The following ACTN3 variants were observed in gnomAD, a reference collection of about 807,000 sequenced individuals.
ACTN3 encodes alpha-actinin-3.
ACTN3 carries 91 observed loss-of-function variants against 119.6 expected under a neutral mutation model. The ratio of observed to expected loss-of-function variants is 0.76; its 90% CI spans 0.64 to 0.91. The LOEUF is 0.91. Among genes scored for constraint, ACTN3 ranks in the 40% least tolerant of loss-of-function variants. The probability of loss-of-function intolerance (pLI) is 0.00; values close to 1 mark genes in which losing one functional copy is unlikely to be tolerated. For synonymous variants in ACTN3, 456 were observed against 478.8 expected (o/e 0.95, Z 0.62); for missense variants, 1,221 against 1,215.1 (o/e 1.00, Z -0.07).
chr11:66,554,025 C>T lies in ACTN3; in HGVS notation c.383-20C>T. ...ACCTTGAATGCCAGGCAAATCTGTC[C>T]CCTGACCCCTGCCCTGCAGAGATTG... is the stretch of plus-strand genomic sequence containing the variant. On this transcript the variant is annotated intron_variant, in intron 3 of 20. Coordinates refer to ENST00000513398, the MANE Select transcript of ACTN3 (RefSeq NM_001104.4). 1 of 1,610,772 alleles carries T rather than the reference C, an allele frequency of 6.2e-7. No homozygotes were observed. Among genetic ancestry groups the T allele is most frequent in the Non-Finnish European group, 8.5e-7 (1 of 1,177,330 alleles).
intron 7 of ACTN3, among the ~76,000 whole-genome samples, chr11:66,555,573 C>T (rs1303505994): frequency 6.6e-6 from 1 of 152,120 alleles, no homozygotes; most frequent in Non-Finnish European, 1.5e-5. Flanking sequence ...TGCCACCTCT[C>T]CCCTATGTAA....
rs145104915 is a variant in ACTN3 at position 66,558,777 on chromosome 11, G to A, written c.1277-459G>A. Reference sequence around the variant, plus strand: ...GCATTTTATTTTATATGTGTCAGGTGTTCAAAGGTGAGTCCATTCCTCACC... The same window carrying A: ...GCATTTTATTTTATATGTGTCAGGTATTCAAAGGTGAGTCCATTCCTCACC... On this transcript the variant is annotated intron_variant, in intron 11 of 20. Coordinates refer to ENST00000513398, the MANE Select transcript of ACTN3 (RefSeq NM_001104.4). 1,075 of 162,534 alleles carry A rather than the reference G, an allele frequency of 6.6e-3. 8 individuals carry two copies. The highest frequency in any genetic ancestry group is 0.01 in the Non-Finnish European group (777 of 75,440). 10.1% of individuals were successfully genotyped at this position (162,534 alleles called of 1,614,324 possible). A position where few individuals can be genotyped will look rare whatever the true frequency, so the allele number is the denominator to read the frequency against.
In ACTN3 at chr11:66,559,402, CG is replaced by C; in HGVS notation, c.1427+20del. ...AGGAGCTCAAGTAGGCGGGGCCTCG[CG>C]GGGCCCGCCCCCAACACCCCCGGCC... On this transcript the variant is annotated intron_variant, in intron 12 of 20. Transcript: ENST00000513398. 2.0e-6 allele frequency: 3 copies of C among 1,477,430 alleles called. No homozygotes were observed. The highest frequency in any genetic ancestry group is 1.8e-6 in the Non-Finnish European group (2 of 1,121,160). 91.5% of individuals were successfully genotyped at this position (1,477,430 alleles called of 1,614,324 possible). A position where few individuals can be genotyped will look rare whatever the true frequency, so the allele number is the denominator to read the frequency against.
At chr11:66,552,853 C>CTA in intron 3 of ACTN3, among the ~76,000 whole-genome samples, 1 of 105,258 alleles carries the variant, frequency 9.5e-6, no homozygotes, top group South Asian at 2.6e-4. Context: ...GAGACTCTGT[C>CTA]TCTCTCTCTC....
upstream of ACTN3, chr11:66,546,704 G>A: frequency 6.5e-7 from 1 of 1,535,176 alleles, no homozygotes; most frequent in Non-Finnish European, 8.7e-7. Flanking sequence ...GAGCAGGAAT[G>A]CAAACCCAGG....
At chr11:66,553,833 G>A (rs2511217) in intron 3 of ACTN3, among the ~76,000 whole-genome samples, 68,211 of 142,374 alleles carry the variant, frequency 0.48, 17,006 homozygotes, top group African/African-American at 0.63. Context: ...CAGCCTGGGT[G>A]ACAGAGCGAG....
rs753928982 is a variant in ACTN3, at chr11:66,563,101, C to T, written c.2614C>T (p.Arg872Cys). The T allele has an allele frequency of 5.1e-5, 82 of 1,613,310 alleles. No homozygotes were observed. The South Asian group carries it at 7.7e-4, about 15-fold the overall frequency. The change falls in exon 21 of 21, where the codon CGT (arginine) becomes TGT (cysteine). Residue 872 changes from arginine to cysteine, a missense_variant. This residue lies in a region of ACTN3 where 934 missense variants were observed against 899.9 expected (regional missense o/e 1.04). Coordinates refer to ENST00000513398, the MANE Select transcript of ACTN3 (RefSeq NM_001104.4). ...PAKQAEYCIR[R>C]MVPYKGSGAP... ...CAAGCAGGCCGAGTACTGCATCCGC[C>T]GTATGGTGCCCTACAAGGGATCCGG...
At chr11:66,548,428 GT>G (rs1397440679) in intron 1 of ACTN3, among the ~76,000 whole-genome samples, 6 of 152,024 alleles carry the variant, frequency 3.9e-5, no homozygotes, top group African/African-American at 1.5e-4. Context: ...GTGCCAGTCT[GT>G]AACTTGCCTT....
Position 66,553,866 on chromosome 11 carries a change from A to G in ACTN3, c.383-179A>G, listed in dbSNP as rs138694339. Among the ~76,000 whole-genome samples the G allele has an allele frequency of 8.0e-3, 1,211 of 151,238 alleles. 19 individuals are homozygous for G. Among genetic ancestry groups the G allele is most frequent in the African/African-American group, 0.027 (1,096 of 41,116 alleles). On this transcript the variant is annotated intron_variant, in intron 3 of 20. Coordinates refer to ENST00000513398, the MANE Select transcript of ACTN3 (RefSeq NM_001104.4). ...GAGACTCCATCTCAAAAAAAAAAAA[A>G]AAAAAGAAAAAGAAAAAGAGATGCT...
At chr11:66,557,329 T>A in intron 9 of ACTN3, 104 bp downstream of exon 9, 1 of 1,129,874 alleles carries the variant, frequency 8.9e-7, no homozygotes, top group Non-Finnish European at 1.3e-6. Context: ...CTGCTCAGAG[T>A]AGCCCTGGCT....
chr11:66,554,604 G>C lies in ACTN3; in HGVS notation c.538G>C (p.Val180Leu). 2 of 1,612,088 alleles carry C rather than the reference G, an allele frequency of 1.2e-6. No homozygotes were observed. Among genetic ancestry groups the C allele is most frequent in the Middle Eastern group, 1.7e-4 (1 of 6,058 alleles). Residue 180 changes from valine (V) to leucine (L), a missense_variant, in exon 5 of 21, where the codon GTG becomes CTG. Physicochemically the swap from Val to Leu is conservative, Grantham distance 32. This residue lies in a region of ACTN3 where 48 missense variants were observed against 83.4 expected (regional missense o/e 0.58). Transcript: ENST00000513398. Reference protein sequence around the residue: ...RKTAPYRNVNVQNFHTSWKDG... With the variant: ...RKTAPYRNVNLQNFHTSWKDG... The stretch of plus-strand genomic sequence containing the variant: ...GACAGCACCGTACCGCAACGTCAAC[G>C]TGCAGAACTTCCACACCAGGTCTGT...
intron 3 of ACTN3, among the ~76,000 whole-genome samples, chr11:66,553,560 T>C (rs1419916351): frequency 7.4e-6 from 1 of 135,556 alleles, no homozygotes; most frequent in South Asian, 2.3e-4. Flanking sequence ...TGGGAAAAAA[T>C]TATAATAAAA....
Position 66,560,052 on chromosome 11 carries a change from C to A in ACTN3, c.1512C>A (p.Thr504=). The change falls in exon 13 of 21, where the codon ACC becomes ACA. Residue 504 remains threonine, a synonymous_variant. Coordinates refer to ENST00000513398, the MANE Select transcript of ACTN3 (RefSeq NM_001104.4). ...AGTGGGACAACCTGGGCACCCTGACCCAGAAGAGGCGGGATGCGCTAGAGG... is the reference window on the plus strand; with the variant it reads ...AGTGGGACAACCTGGGCACCCTGACACAGAAGAGGCGGGATGCGCTAGAGG... ...CDQWDNLGTL[T]QKRRDALERM... is the part of the protein sequence containing the mutation. 6.2e-7 allele frequency: 1 copy of A among 1,600,546 alleles called. No homozygotes were observed. The highest frequency in any genetic ancestry group is 1.7e-5 in the Admixed American group (1 of 58,622).
At chr11:66,547,827 C>T (rs949114132) in intron 1 of ACTN3, among the ~76,000 whole-genome samples, 11 of 152,026 alleles carry the variant, frequency 7.2e-5, no homozygotes, top group Non-Finnish European at 1.6e-4. Flanking sequence ...ACCTCGGGGG[C>T]GCCAAAGAGG....
In ACTN3 at chr11:66,561,742, T is replaced by A. The variant is rs1857774728; in HGVS notation, c.2175+105T>A. The A allele has an allele frequency of 2.2e-5, 30 of 1,386,434 alleles. 1 individual carries two copies. In the South Asian group the frequency reaches 3.7e-4, roughly 17 times the overall value. The allele number at this position is 1,386,434 out of a possible 1,614,324, so 85.9% of individuals were successfully genotyped here. Reference sequence around the variant, plus strand: ...TGTGTGTCCCAGCAGAGTCCCCAGTTCAGCTTGGCCAGGTCCCTTAAGACC... The same window carrying A: ...TGTGTGTCCCAGCAGAGTCCCCAGTACAGCTTGGCCAGGTCCCTTAAGACC... On this transcript the variant is annotated intron_variant, in intron 17 of 20. Coordinates refer to ENST00000513398, the MANE Select transcript of ACTN3 (RefSeq NM_001104.4).
At chr11:66,546,462 C>A (rs752421798), upstream of ACTN3, 5 of 1,440,210 alleles carry the variant, frequency 3.5e-6, no homozygotes, top group South Asian at 6.4e-5. Flanking sequence ...CTCCATCACC[C>A]CAGAAAACAT....
intron 1 of ACTN3, 120 bp downstream of exon 1, chr11:66,547,204 GC>G: frequency 8.2e-7 from 1 of 1,222,768 alleles, no homozygotes; most frequent in Non-Finnish European, 1.1e-6. Context: ...CTAATCCCCA[GC>G]CCAGGCTCTG....
chr11:66,562,325 GAGA>G lies in ACTN3; in HGVS notation c.2388+4_2388+6del, dbSNP rs765014163. The G allele has an allele frequency of 5.5e-5, 89 of 1,612,438 alleles. No homozygotes were observed. Among genetic ancestry groups the G allele is most frequent in the Admixed American group, 3.0e-4 (18 of 60,008 alleles). ...TCATCTCCATGGGCTATGACCTGGT[GAGA>G]GCTCCCCAGCTCCTTCCCAGGAGTC... On this transcript the variant is annotated splice_donor_5th_base_variant and intron_variant, in intron 19 of 20. Transcript: ENST00000513398.
At position 66,560,591 on chromosome 11, in the gene ACTN3, G is replaced by C. The variant is rs752502827; in HGVS notation, c.1696G>C (p.Asp566His). The C allele has an allele frequency of 5.6e-6, 9 of 1,612,330 alleles. No homozygotes were observed. In the African/African-American group the frequency reaches 6.7e-5, roughly 12 times the overall value. The change falls in exon 15 of 21, where the codon GAT becomes CAT. Residue 566 changes from aspartate to histidine, a missense_variant. By Grantham distance (81) the Asp-to-His change is moderately conservative (BLOSUM62 -1). Transcript: ENST00000513398. ...TCCCCAGAGCCTGCTGACAGCGCAC[G>C]ATCAGTTCAAGGCAACACTGCCCGA... ...EETQSLLTAHDQFKATLPEAD... is the reference protein window; with the variant it reads ...EETQSLLTAHHQFKATLPEAD...
Sources: gnomAD v4.1 joint callset for allele counts (sites outside exome capture counted in the v4.1 genomes callset) on GRCh38, gnomAD v4.1.1 for gene constraint, gnomAD v4.1.1 regional missense constraint, MANE v1.5 for transcripts, NCBI Gene and HGNC (gene_info 2026-07-23, HGNC 2026-07-21) for gene names.